Variants in TET1 observed in about 807,000 individuals in gnomAD.
TET1 encodes tet methylcytosine dioxygenase 1.
A neutral mutation model predicts 148.7 loss-of-function variants in TET1; 13 were observed. The observed-to-expected ratio is 0.09, with a 90% CI of 0.06 to 0.14. The LOEUF is 0.14. TET1 is among the 10% of genes least tolerant of loss of function. The pLI is 1.00. For missense variants in TET1, 2,182 were observed against 2,553.8 expected (o/e 0.85, Z 3.14); for synonymous variants, 907 against 937.2 (o/e 0.97, Z 0.59).
At chr10:68,685,567 G>C (rs1045854278) in intron 10 of TET1, among the ~76,000 whole-genome samples, 3 of 152,044 alleles carry the variant, frequency 2.0e-5, no homozygotes, top group Admixed American at 1.3e-4. Context: ...TAAAATATTA[G>C]TTTTATAATA....
chr10:68,640,008 A>ACCT (rs2054720211), intron 3 of TET1, among the ~76,000 whole-genome samples: 1 of 151,050 alleles, frequency 6.6e-6, no homozygotes. Flanking sequence ...GCTCACTGCA[A>ACCT]CCTCCTCCTC....
At position 68,596,027 on chromosome 10, in the gene TET1, C is replaced by CACACAT. The variant is rs71470531; in HGVS notation, c.1915-4953_1915-4952insCACATA. On this transcript the variant is annotated intron_variant, in intron 2 of 11. Transcript: ENST00000373644. Reference sequence around the variant, plus strand: ...ACACACACACACACACACACACACACATATATATATATATATACACATTTT... The same window carrying CACACAT: ...ACACACACACACACACACACACACACACACATATATATATATATATATACACATTTT... Among the ~76,000 whole-genome samples, 610 of 61,626 alleles carry CACACAT rather than the reference C, an allele frequency of 9.9e-3. 11 individuals carry two copies. The highest frequency in any genetic ancestry group is 0.012 in the Non-Finnish European group (420 of 34,658). The allele number at this position is 61,626 out of a possible 152,430, so 40.4% of individuals were successfully genotyped here.
At chr10:68,661,196 A>ATTTTTTTTTTTTTTTTT (rs974912892) in intron 6 of TET1, among the ~76,000 whole-genome samples, 4 of 78,614 alleles carry the variant, frequency 5.1e-5, no homozygotes, top group African/African-American at 1.2e-4. Flanking sequence ...CGCCTGGCTA[A>ATTTTTTTTTTTTTTTTT]TTTTTTTTTT....
At chr10:68,636,735 C>G (rs557329978) in intron 3 of TET1, among the ~76,000 whole-genome samples, 18 of 152,200 alleles carry the variant, frequency 1.2e-4, no homozygotes, top group Admixed American at 9.8e-4. Context: ...TCCCATCCAG[C>G]CTAGATATGG....
chr10:68,650,741 G>T (rs2054919971), intron 4 of TET1, among the ~76,000 whole-genome samples: 1 of 152,172 alleles, frequency 6.6e-6, no homozygotes, highest in Non-Finnish European at 1.5e-5. Flanking sequence ...ACCATGGCTA[G>T]AAATTCATGA....
At chr10:68,642,717 G>T (rs2054777171) in intron 3 of TET1, among the ~76,000 whole-genome samples, 1 of 152,028 alleles carries the variant, frequency 6.6e-6, no homozygotes, top group Non-Finnish European at 1.5e-5. Flanking sequence ...CGATTCTCCT[G>T]CCTCAGCCTC....
chr10:68,661,507 T>C (rs781487541), intron 6 of TET1, among the ~76,000 whole-genome samples: 2 of 151,644 alleles, frequency 1.3e-5, no homozygotes, highest in Non-Finnish European at 2.9e-5. Flanking sequence ...TTTTCTGTTT[T>C]TTGAGACAGG....
intron 1 of TET1, among the ~76,000 whole-genome samples, chr10:68,571,209 C>T (rs967294592): frequency 2.0e-5 from 3 of 151,892 alleles, no homozygotes; most frequent in East Asian, 1.9e-4. Context: ...AGGCTGGTCT[C>T]GAACTTCTGA....
chr10:68,584,020 G>A (rs1016754865), intron 2 of TET1, among the ~76,000 whole-genome samples: 3 of 151,932 alleles, frequency 2.0e-5, no homozygotes, highest in Non-Finnish European at 4.4e-5. Flanking sequence ...GATTGAATTA[G>A]TGAATGAATA....
intron 1 of TET1, among the ~76,000 whole-genome samples, chr10:68,570,105 T>C (rs537947539): frequency 2.1e-4 from 32 of 152,052 alleles, no homozygotes; most frequent in African/African-American, 7.5e-4. Context: ...AGTTTTTCTT[T>C]TTTTTTTCTT....
At chr10:68,606,221 G>A (rs1008397826) in intron 3 of TET1, among the ~76,000 whole-genome samples, 1 of 151,974 alleles carries the variant, frequency 6.6e-6, no homozygotes, top group Non-Finnish European at 1.5e-5. Flanking sequence ...ACAAATATTC[G>A]CCAGGTGTGG....
intron 3 of TET1, among the ~76,000 whole-genome samples, chr10:68,607,031 T>C (rs2054134070): frequency 6.6e-6 from 1 of 152,182 alleles, no homozygotes. Flanking sequence ...CATTCGTTTA[T>C]CACTGCAGCA....
At chr10:68,565,848 TTGGCTGGG>T (rs2053602582) in intron 1 of TET1, among the ~76,000 whole-genome samples, 1 of 152,138 alleles carries the variant, frequency 6.6e-6, no homozygotes, top group Admixed American at 6.6e-5. Context: ...CTCTGATTCT[TTGGCTGGG>T]TGGCACCCAG....
At position 68,573,595 on chromosome 10, in the gene TET1, T is replaced by C. The variant is rs761752602; in HGVS notation, c.1257T>C (p.Leu419=). The stretch of plus-strand genomic sequence containing the variant: ...CTATTTTAGACCAACAAGAAACTCT[T>C]GGTATGAGTGGGAGTGTTGTCCCAG... ...FGTILDQQET[L]GMSGSVVPDL... Residue 419 remains leucine (L), a synonymous_variant, in exon 2 of 12, where the codon CTT becomes CTC. Coordinates refer to ENST00000373644, the MANE Select transcript of TET1 (RefSeq NM_030625.3). The C allele has an allele frequency of 4.3e-6, 7 of 1,614,040 alleles. No individual in the cohort carries two copies. In the African/African-American group the frequency reaches 8.0e-5, roughly 18 times the overall value.
rs1053607531 is a variant in TET1, at chr10:68,572,171, T to C, written c.-122-46T>C. The C allele has an allele frequency of 2.4e-5, 14 of 588,256 alleles. No homozygotes were observed. In the African/African-American group the frequency reaches 2.6e-4, roughly 11 times the overall value. 36.4% of individuals were successfully genotyped at this position (588,256 alleles called of 1,614,324 possible). ...GAATATTCTATTTCAAATAGGGGAA[T>C]GCATAGGAAAAAGACTCACTTCAGT... On this transcript the variant is annotated intron_variant, in intron 1 of 11. Transcript: ENST00000373644.
At chr10:68,581,887 A>G (rs2053802442) in intron 2 of TET1, among the ~76,000 whole-genome samples, 1 of 151,912 alleles carries the variant, frequency 6.6e-6, no homozygotes, top group Non-Finnish European at 1.5e-5. Context: ...ATCCCTGAAG[A>G]TAGGGTCTTC....
Position 68,597,030 on chromosome 10 carries a change from A to ATTTTTTTTTTTT in TET1, c.1915-3941_1915-3930dup, listed in dbSNP as rs553591899. Among the ~76,000 whole-genome samples the ATTTTTTTTTTTT allele has an allele frequency of 3.7e-3, 365 of 98,834 alleles. 40 individuals carry two copies. The highest frequency in any genetic ancestry group is 0.014 in the African/African-American group (322 of 22,538). 64.8% of individuals were successfully genotyped at this position (98,834 alleles called of 152,430 possible). On this transcript the variant is annotated intron_variant, in intron 2 of 11. Transcript: ENST00000373644. ...ATTTTCATGATCACACAGCTAATGG[A>ATTTTTTTTTTTT]TTTTTTTTTTTTTTTTTTTTTGAGA...
intron 6 of TET1, among the ~76,000 whole-genome samples, chr10:68,653,651 G>C (rs1422189002): frequency 1.3e-5 from 2 of 152,142 alleles, no homozygotes; most frequent in African/African-American, 2.4e-5. Context: ...GAATTTAAGG[G>C]AGAATTTACA....
Position 68,691,245 on chromosome 10 carries a change from T to C in TET1, c.5842T>C (p.Ser1948Pro), listed in dbSNP as rs745916598. 5 of 1,613,856 alleles carry C rather than the reference T, an allele frequency of 3.1e-6. No individual in the cohort carries two copies. The highest frequency in any genetic ancestry group is 3.4e-6 in the Non-Finnish European group (4 of 1,179,996). The part of the protein sequence containing the change: ...QPNHQPSFLT[S>P]PQDLASSPME... The stretch of plus-strand genomic sequence containing the variant: ...AAACCACCAGCCCTCCTTCCTCACC[T>C]CTCCTCAAGACCTTGCCTCTTCTCC... The change falls in exon 12 of 12, where the codon TCT becomes CCT. Residue 1948 changes from serine (S) to proline (P), a missense_variant. Ser to Pro is a moderately conservative substitution (Grantham distance 74). Transcript: ENST00000373644. This position sits in a 1 kb window ranked among gnomAD's most constrained non-coding sequence, Gnocchi z 4.4.
Sources: allele counts gnomAD v4.1 joint callset (sites outside exome capture counted in the v4.1 genomes callset), GRCh38; gene constraint gnomAD v4.1.1; non-coding constraint Gnocchi (gnomAD v3.1); transcripts MANE v1.5; gene names NCBI Gene and HGNC (gene_info 2026-07-23, HGNC 2026-07-21).